Variants in CUL4B observed in about 807,000 individuals in gnomAD.
CUL4B encodes the protein cullin-4B.
Under a neutral mutation model 69.2 loss-of-function variants are expected in CUL4B, and 1 was observed. The ratio of observed to expected loss-of-function variants is 0.01; its 90% CI spans 0.01 to 0.07. CUL4B has a LOEUF of 0.07. Ranked by LOEUF, CUL4B falls within the 10% of genes least tolerant of loss-of-function variation. CUL4B has a pLI of 1.00. For missense variants in CUL4B, 328 were observed against 638.8 expected (o/e 0.51, Z 5.24); for synonymous variants, 237 against 223.2 (o/e 1.06, Z -0.55).
rs773518934 is a variant in CUL4B, at chrX:120,574,576, A to G, written c.42T>C (p.Asp14=). Residue 14 remains aspartate (D), a synonymous_variant, in exon 2 of 3, where the codon GAT becomes GAC. Coordinates refer to the CUL4B transcript ENST00000486604. Reference sequence around the variant, plus strand: ...CACCGTCTTTAGAGGTAGTAGCCTCATCATCATTCCCATCTCCTGATCCAG... The same window carrying G: ...CACCGTCTTTAGAGGTAGTAGCCTCGTCATCATTCCCATCTCCTGATCCAG... 18 of 1,207,884 alleles carry G rather than the reference A, an allele frequency of 1.5e-5. No individual in the cohort carries two copies. Among genetic ancestry groups the G allele is most frequent in the Non-Finnish European group, 1.9e-5 (17 of 891,764 alleles).
chrX:120,562,939 T>A (rs1446679591), upstream of CUL4B, among the ~76,000 whole-genome samples: 2 of 111,338 alleles, frequency 1.8e-5, no homozygotes, highest in Non-Finnish European at 3.8e-5. Context: ...GGATTGTGAG[T>A]GGAGTAAAAG....
rs569462458 is a variant in CUL4B, at chrX:120,542,501, T to C, written c.1324+465A>G. ...AAATTCACTTGGGATTAGAAGTGCT[T>C]GGTTTGACATGCCATGAACAACAAA... On this transcript the variant is annotated intron_variant, in intron 9 of 19. Transcript: ENST00000371322. 7.2e-4 allele frequency among the ~76,000 whole-genome samples: 81 copies of C among 112,241 alleles called. No individual in the cohort carries two copies. In the South Asian group the frequency reaches 0.028, roughly 38 times the overall value.
At chrX:120,550,768 T>C (rs1924641072) in intron 2 of CUL4B, among the ~76,000 whole-genome samples, 1 of 111,661 alleles carries the variant, frequency 9.0e-6, no homozygotes, top group Admixed American at 9.5e-5. Flanking sequence ...ATCTAGTCAT[T>C]TTCCTTCCTC....
downstream of CUL4B, among the ~76,000 whole-genome samples, chrX:120,567,577 T>A (rs1602595256): frequency 9.1e-6 from 1 of 109,523 alleles, no homozygotes; most frequent in South Asian, 4.0e-4. Context: ...TATCAGTATT[T>A]TTAAGAAGCT....
intron 10 of CUL4B, 27 bp downstream of exon 10, chrX:120,541,575 G>C (rs1404634932): frequency 1.0e-6 from 1 of 983,248 alleles, no homozygotes; most frequent in South Asian, 1.9e-5. Flanking sequence ...CCATAAGAGA[G>C]AAAAATCACA....
intron 10 of CUL4B, among the ~76,000 whole-genome samples, 167 bp from the exon 11 acceptor site, chrX:120,540,729 C>T (rs1314052177): frequency 8.9e-6 from 1 of 112,097 alleles, no homozygotes; most frequent in African/African-American, 3.2e-5. Flanking sequence ...TCTGAAACTC[C>T]TAGGCTGAAA....
intron 2 of CUL4B, among the ~76,000 whole-genome samples, chrX:120,574,089 C>G (rs1426054241): frequency 1.8e-5 from 2 of 108,210 alleles, no homozygotes; most frequent in Admixed American, 9.9e-5. Context: ...ACCCCTCCTC[C>G]CCCATCACCT....
intron 1 of CUL4B, among the ~76,000 whole-genome samples, chrX:120,559,009 AT>A (rs1925135387): frequency 9.0e-6 from 1 of 111,368 alleles, no homozygotes; most frequent in African/African-American, 3.3e-5. Flanking sequence ...GAAGGTAGTG[AT>A]ATAAAAAAGA....
chrX:120,524,465 C>T lies in CUL4B; in HGVS notation c.*2296G>A, dbSNP rs1922862791. 9.0e-6 allele frequency: 1 copy of T among 111,432 alleles called. No individual in the cohort carries two copies. Among genetic ancestry groups the T allele is most frequent in the African/African-American group, 3.3e-5 (1 of 30,750 alleles). The allele number at this position is 111,432 out of a possible 1,213,427, so 9.2% of individuals were successfully genotyped here. A position where few individuals can be genotyped will look rare whatever the true frequency, so the allele number is the denominator to read the frequency against. ...CTCCCCCATACTCTTATAGCATTAC[C>T]ACAAAACCATTACAAAATTTTTAAA... On this transcript the variant is annotated 3_prime_UTR_variant, in exon 20 of 20. Coordinates refer to ENST00000371322, the MANE Select transcript of CUL4B (RefSeq NM_001079872.2).
chrX:120,528,730 C>T (rs1923146071), intron 19 of CUL4B, among the ~76,000 whole-genome samples: 1 of 111,185 alleles, frequency 9.0e-6, no homozygotes, highest in Non-Finnish European at 1.9e-5. Flanking sequence ...CAAAAAAAAA[C>T]TACATGAAAT....
chrX:120,565,249 C>G (rs1325079054), upstream of CUL4B, among the ~76,000 whole-genome samples: 1 of 110,670 alleles, frequency 9.0e-6, no homozygotes, highest in Non-Finnish European at 1.9e-5. Flanking sequence ...GACAGACACT[C>G]CTGGAAGCCT....
intron 19 of CUL4B, among the ~76,000 whole-genome samples, chrX:120,527,258 A>G (rs1452919510): frequency 3.6e-5 from 4 of 110,713 alleles, no homozygotes; most frequent in Non-Finnish European, 7.6e-5. Context: ...GGGTGTCACC[A>G]TATTGGCCAG....
chrX:120,538,287 T>C, intron 13 of CUL4B, 78 bp from the exon 14 acceptor site: 2 of 643,395 alleles, frequency 3.1e-6, no homozygotes, highest in Non-Finnish European at 4.9e-6. Context: ...AAACACGAAA[T>C]ACAAAACTTT....
downstream of CUL4B, among the ~76,000 whole-genome samples, chrX:120,568,147 G>A (rs1449391187): frequency 1.8e-5 from 2 of 111,239 alleles, no homozygotes; most frequent in African/African-American, 6.5e-5. Flanking sequence ...AAAGCTAATA[G>A]GAAAGTCCTA....
chrX:120,550,172 T>C (rs1924605051), intron 2 of CUL4B, among the ~76,000 whole-genome samples: 1 of 111,971 alleles, frequency 8.9e-6, no homozygotes. Context: ...GTCAACACTA[T>C]TTATCTCCCA....
upstream of CUL4B, among the ~76,000 whole-genome samples, chrX:120,566,017 C>T (rs1395389251): frequency 1.8e-5 from 2 of 108,851 alleles, no homozygotes; most frequent in East Asian, 2.9e-4. Flanking sequence ...CGTGAGCCAC[C>T]GCGCCCGGCC....
Position 120,560,306 on chromosome X carries a change from C to A in CUL4B, c.333G>T (p.Gly111=). The A allele has an allele frequency of 8.3e-7, 1 of 1,211,535 alleles. No individual in the cohort carries two copies. The highest frequency in any genetic ancestry group is 1.7e-5 in the African/African-American group (1 of 57,696). Residue 111 remains glycine (G), a synonymous_variant, in exon 1 of 20, where the codon GGG becomes GGT. Coordinates refer to ENST00000371322, the MANE Select transcript of CUL4B (RefSeq NM_001079872.2). ...LRFEDTLEFV[G]FDAKMAEESS... is the part of the protein sequence containing the mutation. ...ATTCCTCAGCCATCTTCGCATCAAA[C>A]CCTACAAACTCCAGGGTGTCTTCAA... is the stretch of plus-strand genomic sequence containing the variant.
intron 3 of CUL4B, 43 bp downstream of exon 3, chrX:120,547,093 G>T: frequency 1.1e-6 from 1 of 919,577 alleles, no homozygotes; most frequent in Non-Finnish European, 1.6e-6. Context: ...GGGACAGAGA[G>T]GAAGACAAAA....
rs756041930 is a variant in CUL4B at position 120,548,285 on chromosome X, G to C, written c.673-1046C>G. Among the ~76,000 whole-genome samples the C allele has an allele frequency of 3.6e-5, 4 of 111,023 alleles. No individual in the cohort carries two copies. In the South Asian group the frequency reaches 1.5e-3, roughly 43 times the overall value. ...GAGACCTTGTCTCAAAAATAAAAAA[G>C]CTGTCTTGTTTAAAATGTTAATCAT... On this transcript the variant is annotated intron_variant, in intron 2 of 19. Transcript: ENST00000371322.
Sources: allele counts gnomAD v4.1 joint callset (sites outside exome capture counted in the v4.1 genomes callset), GRCh38; gene constraint gnomAD v4.1.1; transcripts MANE v1.5; gene names NCBI Gene and HGNC (gene_info 2026-07-23, HGNC 2026-07-21).